Variants in BMERB1 observed in about 807,000 individuals in gnomAD.
The protein encoded by BMERB1 is bMERB domain containing 1.
BMERB1 carries 12 observed loss-of-function variants against 23.6 expected under a neutral mutation model. The observed-to-expected ratio is 0.51, with a 90% confidence interval of 0.33 to 0.82. The LOEUF (loss-of-function observed/expected upper bound fraction) is 0.82, where lower values mean the gene tolerates loss of function less well. Among genes scored for constraint, BMERB1 ranks in the 40% least tolerant of loss-of-function variants. The pLI, the probability that BMERB1 is intolerant of heterozygous loss-of-function variation, is 0.03. For synonymous variants in BMERB1, 122 were observed against 96.6 expected (o/e 1.26, Z -1.54); for missense variants, 247 against 255.4 (o/e 0.97, Z 0.22).
intron 2 of BMERB1, among the ~76,000 whole-genome samples, chr16:15,558,255 G>A (rs982603760): frequency 2.6e-5 from 4 of 152,000 alleles, no homozygotes; most frequent in East Asian, 1.9e-4. Flanking sequence ...TCACACCAAC[G>A]CAGCCAAGCA....
chr16:15,508,198 G>A (rs2051615485), intron 1 of BMERB1, among the ~76,000 whole-genome samples: 1 of 152,148 alleles, frequency 6.6e-6, no homozygotes, highest in Non-Finnish European at 1.5e-5. Flanking sequence ...ATGCACAGGT[G>A]CTGGCATGTG....
intron 2 of BMERB1, among the ~76,000 whole-genome samples, chr16:15,521,613 T>G (rs934575429): frequency 2.0e-5 from 3 of 152,126 alleles, no homozygotes; most frequent in African/African-American, 7.2e-5. Flanking sequence ...CTGAGTGTGC[T>G]CCTCACTCTG....
chr16:15,480,636 C>T (rs1485066749), intron 1 of BMERB1, among the ~76,000 whole-genome samples: 16 of 85,950 alleles, frequency 1.9e-4, no homozygotes, highest in African/African-American at 6.9e-4. Context: ...TTTTTTGAGA[C>T]AGAGTCTCAC....
chr16:15,524,671 T>C (rs1353000339), intron 2 of BMERB1, among the ~76,000 whole-genome samples: 1 of 152,108 alleles, frequency 6.6e-6, no homozygotes, highest in Non-Finnish European at 1.5e-5. Context: ...TCGAGAGGCT[T>C]GAGGCACAAG....
At chr16:15,500,460 A>G (rs1365465760) in intron 1 of BMERB1, among the ~76,000 whole-genome samples, 1 of 152,138 alleles carries the variant, frequency 6.6e-6, no homozygotes, top group Admixed American at 6.5e-5. Context: ...AAGTCCTTTC[A>G]TGAGAGCAGT....
At chr16:15,515,541 C>T (rs1187522810) in intron 2 of BMERB1, 113 bp downstream of exon 2, 17 of 1,381,388 alleles carry the variant, frequency 1.2e-5, no homozygotes, top group South Asian at 6.4e-5. Flanking sequence ...GCATTATGCA[C>T]GTTTTTAAAA....
At chr16:15,553,133 G>A (rs573156828) in intron 2 of BMERB1, among the ~76,000 whole-genome samples, 18 of 152,250 alleles carry the variant, frequency 1.2e-4, no homozygotes, top group African/African-American at 3.4e-4. Flanking sequence ...TCGGCTTCCC[G>A]AGTAACTGGG....
intron 1 of BMERB1, among the ~76,000 whole-genome samples, chr16:15,463,766 A>G (rs4781668): frequency 0.32 from 48,664 of 151,728 alleles, 9,674 homozygotes; most frequent in East Asian, 0.55. Context: ...TGCTGTTGAC[A>G]CAACTGCCTT....
chr16:15,438,616 C>T (rs189642285), intron 1 of BMERB1, among the ~76,000 whole-genome samples: 105 of 152,078 alleles, frequency 6.9e-4, no homozygotes, highest in Middle Eastern at 6.9e-3. Flanking sequence ...TGCACCACCA[C>T]GTCCGGCTAA....
chr16:15,519,102 C>CACACACAA (rs1567481424), intron 2 of BMERB1, among the ~76,000 whole-genome samples: 12 of 147,948 alleles, frequency 8.1e-5, no homozygotes, highest in African/African-American at 2.7e-4. Context: ...CACACACACA[C>CACACACAA]ACACACGTGA....
chr16:15,453,171 C>G (rs2051056417), intron 1 of BMERB1, among the ~76,000 whole-genome samples: 1 of 151,944 alleles, frequency 6.6e-6, no homozygotes, highest in African/African-American at 2.4e-5. Flanking sequence ...GACTCTGTCT[C>G]AAAAACAACA....
intron 1 of BMERB1, among the ~76,000 whole-genome samples, chr16:15,477,826 C>T (rs2051286750): frequency 1.3e-5 from 2 of 152,034 alleles, no homozygotes; most frequent in East Asian, 1.9e-4. Flanking sequence ...CTCACTGCCA[C>T]GAGTGCCCAA....
At chr16:15,558,372 G>C (rs2030325483) in intron 2 of BMERB1, among the ~76,000 whole-genome samples, 1 of 152,066 alleles carries the variant, frequency 6.6e-6, no homozygotes, top group Non-Finnish European at 1.5e-5. Flanking sequence ...GAGGTGATTG[G>C]AGGCAAGGAA....
chr16:15,525,471 A>G (rs906139215), intron 2 of BMERB1, among the ~76,000 whole-genome samples: 2 of 152,098 alleles, frequency 1.3e-5, no homozygotes, highest in African/African-American at 4.8e-5. Context: ...TGGGAGGCCA[A>G]GGTGGGCAGA....
At chr16:15,447,739 T>G (rs1187611381) in intron 1 of BMERB1, among the ~76,000 whole-genome samples, 1 of 152,044 alleles carries the variant, frequency 6.6e-6, no homozygotes, top group African/African-American at 2.4e-5. Context: ...CGTGGAGATT[T>G]CTGGAGGCGT....
intron 2 of BMERB1, among the ~76,000 whole-genome samples, chr16:15,566,531 C>T (rs1022803073): frequency 3.3e-5 from 5 of 151,856 alleles, no homozygotes; most frequent in African/African-American, 7.3e-5. Flanking sequence ...CAGTGGCTCA[C>T]GCCTGTAATC....
At chr16:15,529,946 C>T (rs1267538534) in intron 2 of BMERB1, among the ~76,000 whole-genome samples, 4 of 152,168 alleles carry the variant, frequency 2.6e-5, no homozygotes, top group Non-Finnish European at 4.4e-5. Context: ...AGTCTGAAAT[C>T]GATTTCACTG....
At chr16:15,583,512 G>T (rs1177885149) in intron 5 of BMERB1, among the ~76,000 whole-genome samples, 1 of 151,406 alleles carries the variant, frequency 6.6e-6, no homozygotes, top group Non-Finnish European at 1.5e-5. Context: ...CGGGAGGTGG[G>T]GGTTGCAGTG....
chr16:15,497,012 G>C (rs1040917754), intron 1 of BMERB1, among the ~76,000 whole-genome samples: 5 of 152,200 alleles, frequency 3.3e-5, no homozygotes, highest in African/African-American at 4.8e-5. Context: ...GGTGGCCAAG[G>C]AATGTAGAAG....
Sources: allele counts gnomAD v4.1 joint callset (sites outside exome capture counted in the v4.1 genomes callset), GRCh38; gene constraint gnomAD v4.1.1; transcripts MANE v1.5; gene names NCBI Gene and HGNC (gene_info 2026-07-23, HGNC 2026-07-21).